The following H1-5 variants were observed in gnomAD, a reference collection of about 807,000 sequenced individuals.
H1-5 encodes H1.5 linker histone, cluster member.
Under a neutral mutation model 4.6 loss-of-function variants are expected in H1-5, and 3 were observed. The observed-to-expected ratio is 0.65, with a 90% confidence interval of 0.30 to 1.68. The LOEUF (loss-of-function observed/expected upper bound fraction) is 1.68, where lower values mean the gene tolerates loss of function less well. Ranked by LOEUF, H1-5 falls within the 40% of genes most tolerant of loss-of-function variation. H1-5 has a pLI of 0.10. For missense variants in H1-5, 521 were observed against 287.9 expected, an observed-to-expected ratio of 1.81 and a Z score of -5.86; for synonymous variants, 250 against 123.4, an observed-to-expected ratio of 2.03 and a Z score of -6.80.
Position 27,867,080 on chromosome 6 carries a change from C to T in H1-5, c.450G>A (p.Lys150=), listed in dbSNP as rs764242128. ...CCTTCTTCGGAGTCTTCTTCACTGC[C>T]TTTTTCGCCCCTGCAGCCTTCTTGG... The part of the protein sequence containing the change: ...KKAKKAAGAK[K]AVKKTPKKAK... The change falls in exon 1 of 1, where the codon AAG becomes AAA. Residue 150 remains lysine, a synonymous_variant. Transcript: ENST00000331442. 3.7e-6 allele frequency: 6 copies of T among 1,613,828 alleles called. No homozygotes were observed. The South Asian group carries it at 5.5e-5, about 15-fold the overall frequency.
In H1-5 at chr6:27,866,825, T is replaced by G; in HGVS notation, c.*24A>C. On this transcript the variant is annotated 3_prime_UTR_variant, in exon 1 of 1. Transcript: ENST00000331442. Reference sequence around the variant, plus strand: ...TCTGAAAAGAGCCTTTGGGGCTTTGTTGCGGTTTTCACACGCCAGCTTCCT... The same window carrying G: ...TCTGAAAAGAGCCTTTGGGGCTTTGGTGCGGTTTTCACACGCCAGCTTCCT... 1.9e-6 allele frequency: 3 copies of G among 1,561,776 alleles called. No individual in the cohort carries two copies. In the East Asian group the frequency reaches 6.7e-5, roughly 35 times the overall value.
Position 27,867,374 on chromosome 6 carries a change from A to G in H1-5, c.156T>C (p.Ala52=), listed in dbSNP as rs145149676. The G allele has an allele frequency of 6.5e-5, 105 of 1,614,270 alleles. 2 individuals are homozygous for G. Among genetic ancestry groups the G allele is most frequent in the East Asian group, 2.9e-4 (13 of 44,880 alleles). The change falls in exon 1 of 1, where the codon GCT becomes GCC. Residue 52 remains alanine (A), a synonymous_variant. Transcript: ENST00000331442. ...PVSELITKAV[A]ASKERNGLSL... ...AAAGGCCATTGCGCTCCTTAGAAGC[A>G]GCCACAGCCTTGGTGATCAGCTCTG...
chr6:27,867,441 C>T lies in H1-5; in HGVS notation c.89G>A (p.Gly30Asp), dbSNP rs200206203. The part of the protein sequence containing the change: ...AKKKATKKAA[G>D]AGAAKRKATG... ...CGCTTTGCGCTTAGCAGCGCCGGCG[C>T]CGGCAGCCTTCTTAGTTGCCTTCTT... The change falls in exon 1 of 1, where the codon GGC (glycine) becomes GAC (aspartate). Residue 30 changes from glycine to aspartate, a missense_variant. Physicochemically the swap from Gly to Asp is moderately conservative, Grantham distance 94. Transcript: ENST00000331442. 9 of 1,609,410 alleles carry T rather than the reference C, an allele frequency of 5.6e-6. No individual in the cohort carries two copies. The East Asian group carries it at 1.6e-4, about 28-fold the overall frequency.
chr6:27,867,487 C>A lies in H1-5; in HGVS notation c.43G>T (p.Val15Leu). 1.3e-6 allele frequency: 2 copies of A among 1,583,832 alleles called. No individual in the cohort carries two copies. Among genetic ancestry groups the A allele is most frequent in the Non-Finnish European group, 1.7e-6 (2 of 1,167,506 alleles). The change falls in exon 1 of 1, where the codon GTG becomes TTG. Residue 15 changes from valine to leucine, a missense_variant. Val to Leu is a conservative substitution (Grantham distance 32, BLOSUM62 1). Transcript: ENST00000331442. The stretch of plus-strand genomic sequence containing the variant: ...TTCTTCTTAGCCGGGGATTTCTCCA[C>A]CGGCGCTGGGGTGGCTGTCTCGGCA... ...APAETATPAP[V>L]EKSPAKKKAT...
chr6:27,867,423 C>T lies in H1-5; in HGVS notation c.107G>A (p.Arg36His), dbSNP rs1216617505. ...TGAGACTGGGGGCCCCGTCGCTTTG[C>T]GCTTAGCAGCGCCGGCGCCGGCAGC... is the stretch of plus-strand genomic sequence containing the variant. ...KKAAGAGAAK[R>H]KATGPPVSEL... Residue 36 changes from arginine (R) to histidine (H), a missense_variant, in exon 1 of 1, where the codon CGC becomes CAC. Arg to His is a conservative substitution (Grantham distance 29). Coordinates refer to ENST00000331442, the MANE Select transcript of H1-5 (RefSeq NM_005322.3). The T allele has an allele frequency of 1.9e-6, 3 of 1,611,228 alleles. No homozygotes were observed. Among genetic ancestry groups the T allele is most frequent in the African/African-American group, 1.3e-5 (1 of 74,764 alleles).
rs779491304 is a variant in H1-5 at position 27,867,464 on chromosome 6, C to G, written c.66G>C (p.Lys22Asn). Residue 22 changes from lysine to asparagine, a missense_variant, in exon 1 of 1, where the codon AAG (lysine) becomes AAC (asparagine). By Grantham distance (94) the Lys-to-Asn change is moderately conservative. Transcript: ENST00000331442. ...PAPVEKSPAK[K>N]KATKKAAGAG... ...CGCCGGCAGCCTTCTTAGTTGCCTT[C>G]TTCTTAGCCGGGGATTTCTCCACCG... 6.3e-7 allele frequency: 1 copy of G among 1,595,898 alleles called. No homozygotes were observed. Among genetic ancestry groups the G allele is most frequent in the South Asian group, 1.1e-5 (1 of 88,626 alleles).
In H1-5 at chr6:27,867,534, G is replaced by A. The variant is rs200168541; in HGVS notation, c.-5C>T. Reference sequence around the variant, plus strand: ...GGCAGGAGCGGTTTCCGACATGGTGGCAAGAAACTGCTAGAAGAGAATAAG... The same window carrying A: ...GGCAGGAGCGGTTTCCGACATGGTGACAAGAAACTGCTAGAAGAGAATAAG... On this transcript the variant is annotated 5_prime_UTR_variant, in exon 1 of 1. Transcript: ENST00000331442. 769 of 1,535,406 alleles carry A rather than the reference G, an allele frequency of 5.0e-4. No homozygotes were observed. The highest frequency in any genetic ancestry group is 8.8e-4 in the Middle Eastern group (5 of 5,668).
In H1-5 at chr6:27,867,174, G is replaced by A; in HGVS notation, c.356C>T (p.Ala119Val). 5 of 1,614,184 alleles carry A rather than the reference G, an allele frequency of 3.1e-6. No homozygotes were observed. Among genetic ancestry groups the A allele is most frequent in the Non-Finnish European group, 4.2e-6 (5 of 1,180,014 alleles). The change falls in exon 1 of 1, where the codon GCC becomes GTC. Residue 119 changes from alanine (A) to valine (V), a missense_variant. Physicochemically the swap from Ala to Val is moderately conservative, Grantham distance 64. Coordinates refer to ENST00000331442, the MANE Select transcript of H1-5 (RefSeq NM_005322.3). ...KLNKKAASGE[A>V]KPKAKKAGAA... is the part of the protein sequence containing the mutation. ...GCCTGCCTTCTTGGCTTTGGGCTTG[G>A]CTTCCCCGGAGGCCGCCTTCTTGTT...
In H1-5 at chr6:27,867,307, C is replaced by T. The variant is rs770254612; in HGVS notation, c.223G>A (p.Asp75Asn). Residue 75 changes from aspartate (D) to asparagine (N), a missense_variant, in exon 1 of 1, where the codon GAC becomes AAC. Transcript: ENST00000331442. ...LKKALAAGGYDVEKNNSRIKL... is the reference protein window; with the variant it reads ...LKKALAAGGYNVEKNNSRIKL... ...ATGCGGCTGTTATTCTTCTCCACGTCGTAGCCACCGGCCGCTAAGGCCTTC... is the reference window on the plus strand; with the variant it reads ...ATGCGGCTGTTATTCTTCTCCACGTTGTAGCCACCGGCCGCTAAGGCCTTC... The T allele has an allele frequency of 1.2e-6, 2 of 1,614,246 alleles. No homozygotes were observed. Among genetic ancestry groups the T allele is most frequent in the Non-Finnish European group, 1.7e-6 (2 of 1,180,052 alleles).
At position 27,867,412 on chromosome 6, in the gene H1-5, C is replaced by T. The variant is rs1475289962; in HGVS notation, c.118G>A (p.Gly40Arg). The change falls in exon 1 of 1, where the codon GGG (glycine) becomes AGG (arginine). Residue 40 changes from glycine to arginine, a missense_variant. Gly to Arg is a moderately radical substitution (Grantham distance 125). Coordinates refer to ENST00000331442, the MANE Select transcript of H1-5 (RefSeq NM_005322.3). ...GTGATCAGCTCTGAGACTGGGGGCC[C>T]CGTCGCTTTGCGCTTAGCAGCGCCG... Reference protein sequence around the residue: ...GAGAAKRKATGPPVSELITKA... With the variant: ...GAGAAKRKATRPPVSELITKA... 2 of 1,613,820 alleles carry T rather than the reference C, an allele frequency of 1.2e-6. No homozygotes were observed. Among genetic ancestry groups the T allele is most frequent in the Admixed American group, 1.7e-5 (1 of 59,968 alleles).
chr6:27,866,938 G>C lies in H1-5; in HGVS notation c.592C>G (p.Pro198Ala). The C allele has an allele frequency of 6.2e-7, 1 of 1,614,176 alleles. No individual in the cohort carries two copies. The highest frequency in any genetic ancestry group is 8.5e-7 in the Non-Finnish European group (1 of 1,180,032). ...GCGGCTTTGGGCTTTGCCGCCTTCG[G>C]CTTAACTGCCTTGGGCTTGGCAGGA... ...KSPAKPKAVK[P>A]KAAKPKAAKP... Residue 198 changes from proline to alanine, a missense_variant, in exon 1 of 1, where the codon CCG (proline) becomes GCG (alanine). Pro to Ala is a conservative substitution (Grantham distance 27). Coordinates refer to ENST00000331442, the MANE Select transcript of H1-5 (RefSeq NM_005322.3).
In H1-5 at chr6:27,866,792, T is replaced by C. The variant is rs1761517703; in HGVS notation, c.*57A>G. 2 of 1,403,900 alleles carry C rather than the reference T, an allele frequency of 1.4e-6. No individual in the cohort carries two copies. Among genetic ancestry groups the C allele is most frequent in the South Asian group, 1.4e-5 (1 of 70,876 alleles). 87.0% of individuals were successfully genotyped at this position (1,403,900 alleles called of 1,614,324 possible). A position where few individuals can be genotyped will look rare whatever the true frequency, so the allele number is the denominator to read the frequency against. On this transcript the variant is annotated 3_prime_UTR_variant, in exon 1 of 1. Transcript: ENST00000331442. The stretch of plus-strand genomic sequence containing the variant: ...TGCACAGCCATTTTTTAGAGGTCTC[T>C]GGGTGGCTCTGAAAAGAGCCTTTGG...
chr6:27,867,506 C>G lies in H1-5; in HGVS notation c.24G>C (p.Glu8Asp), dbSNP rs748076289. Residue 8 changes from glutamate (E) to aspartate (D), a missense_variant, in exon 1 of 1, where the codon GAG (glutamate) becomes GAC (aspartate). Physicochemically the swap from Glu to Asp is conservative, Grantham distance 45. Coordinates refer to ENST00000331442, the MANE Select transcript of H1-5 (RefSeq NM_005322.3). MSETAPA[E>D]TATPAPVEKS... The stretch of plus-strand genomic sequence containing the variant: ...TCTCCACCGGCGCTGGGGTGGCTGT[C>G]TCGGCAGGAGCGGTTTCCGACATGG... The G allele has an allele frequency of 1.9e-6, 3 of 1,559,976 alleles. No homozygotes were observed. The African/African-American group carries it at 4.1e-5, about 22-fold the overall frequency.
In H1-5 at chr6:27,867,090, C is replaced by T. The variant is rs750807127; in HGVS notation, c.440G>A (p.Gly147Glu). The change falls in exon 1 of 1, where the codon GGG becomes GAG. Residue 147 changes from glycine to glutamate, a missense_variant. Gly to Glu is a moderately conservative substitution (Grantham distance 98). Coordinates refer to ENST00000331442, the MANE Select transcript of H1-5 (RefSeq NM_005322.3). ...AGTCTTCTTCACTGCCTTTTTCGCC[C>T]CTGCAGCCTTCTTGGCCTTCTTAGG... ...ATPKKAKKAA[G>E]AKKAVKKTPK... 2 of 1,613,728 alleles carry T rather than the reference C, an allele frequency of 1.2e-6. No individual in the cohort carries two copies. The highest frequency in any genetic ancestry group is 1.7e-6 in the Non-Finnish European group (2 of 1,179,844).
chr6:27,866,984 T>A lies in H1-5; in HGVS notation c.546A>T (p.Lys182Asn). ...KSPKKAKAAA[K>N]PKKATKSPAK... The stretch of plus-strand genomic sequence containing the variant: ...CAGGACTCTTGGTTGCCTTTTTCGG[T>A]TTGGCAGCGGCCTTGGCCTTCTTAG... Residue 182 changes from lysine (K) to asparagine (N), a missense_variant, in exon 1 of 1, where the codon AAA becomes AAT. Transcript: ENST00000331442. The A allele has an allele frequency of 6.2e-7, 1 of 1,614,168 alleles. No homozygotes were observed. Among genetic ancestry groups the A allele is most frequent in the Non-Finnish European group, 8.5e-7 (1 of 1,180,022 alleles).
In H1-5 at chr6:27,866,818, G is replaced by A. The variant is rs1430473128; in HGVS notation, c.*31C>T. On this transcript the variant is annotated 3_prime_UTR_variant, in exon 1 of 1. Coordinates refer to ENST00000331442, the MANE Select transcript of H1-5 (RefSeq NM_005322.3). ...GGGTGGCTCTGAAAAGAGCCTTTGG[G>A]GCTTTGTTGCGGTTTTCACACGCCA... 2 of 1,545,904 alleles carry A rather than the reference G, an allele frequency of 1.3e-6. No individual in the cohort carries two copies. Among genetic ancestry groups the A allele is most frequent in the African/African-American group, 1.4e-5 (1 of 72,258 alleles).
In H1-5 at chr6:27,867,056, C is replaced by A. The variant is rs143393068; in HGVS notation, c.474G>T (p.Lys158Asn). 1 of 1,613,674 alleles carries A rather than the reference C, an allele frequency of 6.2e-7. No individual in the cohort carries two copies. The highest frequency in any genetic ancestry group is 1.1e-5 in the South Asian group (1 of 91,016). Residue 158 changes from lysine (K) to asparagine (N), a missense_variant, in exon 1 of 1, where the codon AAG becomes AAT. By Grantham distance (94) the Lys-to-Asn change is moderately conservative (BLOSUM62 0). Coordinates refer to ENST00000331442, the MANE Select transcript of H1-5 (RefSeq NM_005322.3). The stretch of plus-strand genomic sequence containing the variant: ...CGCCAGCCGCCGCGGGCTTCTTCGC[C>A]TTCTTCGGAGTCTTCTTCACTGCCT... ...AKKAVKKTPK[K>N]AKKPAAAGVK...
Position 27,867,516 on chromosome 6 carries a change from G to T in H1-5, c.14C>A (p.Ala5Asp). 1.3e-6 allele frequency: 2 copies of T among 1,548,240 alleles called. No homozygotes were observed. Among genetic ancestry groups the T allele is most frequent in the Non-Finnish European group, 8.7e-7 (1 of 1,153,422 alleles). ...CGCTGGGGTGGCTGTCTCGGCAGGA[G>T]CGGTTTCCGACATGGTGGCAAGAAA... Reference protein sequence around the residue: MSETAPAETATPAPV... With the variant: MSETDPAETATPAPV... The change falls in exon 1 of 1, where the codon GCT (alanine) becomes GAT (aspartate). Residue 5 changes from alanine to aspartate, a missense_variant. Physicochemically the swap from Ala to Asp is moderately radical, Grantham distance 126 (BLOSUM62 -2). Coordinates refer to ENST00000331442, the MANE Select transcript of H1-5 (RefSeq NM_005322.3).
Position 27,867,575 on chromosome 6 carries a change from G to A in H1-5, c.-46C>T, listed in dbSNP as rs757141416. 3 of 1,500,992 alleles carry A rather than the reference G, an allele frequency of 2.0e-6. No homozygotes were observed. Among genetic ancestry groups the A allele is most frequent in the Admixed American group, 2.3e-5 (1 of 43,536 alleles). 93.0% of individuals were successfully genotyped at this position (1,500,992 alleles called of 1,614,324 possible). A position where few individuals can be genotyped will look rare whatever the true frequency, so the allele number is the denominator to read the frequency against. ...AGAGAATAAGCTCGAAATCTAAAGA[G>A]CAGGTTTTGCGTTGCTGCTATGCTC... On this transcript the variant is annotated 5_prime_UTR_variant, in exon 1 of 1. Transcript: ENST00000331442.
Sources: gnomAD v4.1 joint callset for allele counts on GRCh38, gnomAD v4.1.1 for gene constraint, MANE v1.5 for transcripts, NCBI Gene and HGNC (gene_info 2026-07-23, HGNC 2026-07-21) for gene names.